The following ANXA8 variants were observed in gnomAD, a reference collection of about 807,000 sequenced individuals.
ANXA8 encodes the protein VAC-beta.
In ANXA8, 9 loss-of-function variants were observed where a neutral mutation model predicts 26.8. That is an observed-to-expected ratio of 0.34 (90% CI 0.20 to 0.59). The LOEUF (loss-of-function observed/expected upper bound fraction) is 0.59. Ranked by LOEUF, ANXA8 falls within the 20% of genes least tolerant of loss-of-function variation. ANXA8 has a pLI of 0.84. For missense variants in ANXA8, 83 were observed against 238.5 expected, an observed-to-expected ratio of 0.35 and a Z score of 4.29; for synonymous variants, 39 against 94.8, an observed-to-expected ratio of 0.41 and a Z score of 3.42.
the ANXA8 span, among the ~76,000 whole-genome samples, chr10:47,942,475 CACTT>C: frequency 8.2e-4 from 115 of 140,680 alleles, 14 homozygotes; most frequent in East Asian, 0.022. Context: ...TGTCTGGTGA[CACTT>C]AGTGGCAGTC....
the ANXA8 span, among the ~76,000 whole-genome samples, chr10:47,702,744 C>G: frequency 2.6e-5 from 4 of 151,756 alleles, no homozygotes; most frequent in African/African-American, 9.7e-5. Flanking sequence ...AGCCAGCCTC[C>G]CACTTCAGCC....
At chr10:47,951,836 A>AT in the ANXA8 span, among the ~76,000 whole-genome samples, 1 of 141,336 alleles carries the variant, frequency 7.1e-6, no homozygotes, top group Admixed American at 7.0e-5. Flanking sequence ...AAAAAAAAAA[A>AT]GGAATATACA....
rs1184901326 is a variant in ANXA8 at position 47,468,921 on chromosome 10, C to G, written c.925-15G>C. 3.7e-6 allele frequency: 6 copies of G among 1,610,460 alleles called. No individual in the cohort carries two copies. Among genetic ancestry groups the G allele is most frequent in the Non-Finnish European group, 5.1e-6 (6 of 1,179,368 alleles). On this transcript the variant is annotated splice_polypyrimidine_tract_variant and intron_variant, in intron 11 of 11. Coordinates refer to ENST00000585281, the MANE Select transcript of ANXA8 (RefSeq NM_001040084.3). Reference sequence around the variant, plus strand: ...CTGGTGTCTTCCTGTGGGCAGGAGGCGCATAAGCGTGAGAAGGGGTTTGCT... The same window carrying G: ...CTGGTGTCTTCCTGTGGGCAGGAGGGGCATAAGCGTGAGAAGGGGTTTGCT...
At chr10:47,529,738 GA>G in the ANXA8 span, among the ~76,000 whole-genome samples, 1,153 of 98,748 alleles carry the variant, frequency 0.012, 16 homozygotes, top group Middle Eastern at 0.049. Context: ...AGTGGGTCCA[GA>G]AGCCCTTTGG....
At chr10:47,952,310 G>A in the ANXA8 span, among the ~76,000 whole-genome samples, 11 of 151,444 alleles carry the variant, frequency 7.3e-5, no homozygotes, top group African/African-American at 1.9e-4. Context: ...CATAAGATTC[G>A]AAAGGAGGAG....
At chr10:47,672,580 T>C in the ANXA8 span, among the ~76,000 whole-genome samples, 1 of 151,824 alleles carries the variant, frequency 6.6e-6, no homozygotes, top group Non-Finnish European at 1.5e-5. Context: ...AAAAATAAAA[T>C]TCCTGCCCTT....
the ANXA8 span, chr10:47,756,162 GAA>G: frequency 2.5e-6 from 1 of 406,658 alleles, no homozygotes; most frequent in Non-Finnish European, 4.1e-6. Context: ...CAGCACAGCT[GAA>G]GTCTTCTTGC....
At chr10:47,976,536 T>C in the ANXA8 span, among the ~76,000 whole-genome samples, 1 of 116,122 alleles carries the variant, frequency 8.6e-6, no homozygotes, top group African/African-American at 3.0e-5. Flanking sequence ...AGAGACAACC[T>C]CTGTCTTTAC....
the ANXA8 span, among the ~76,000 whole-genome samples, chr10:47,936,762 G>A: frequency 2.0e-5 from 3 of 151,240 alleles, no homozygotes; most frequent in East Asian, 2.0e-4. Context: ...CCCAAGGTCC[G>A]GGGTCGCTCT....
chr10:47,970,970 G>A, the ANXA8 span, among the ~76,000 whole-genome samples: 8 of 151,342 alleles, frequency 5.3e-5, 1 homozygote, highest in Admixed American at 5.3e-4. Context: ...CAGCAAGCAG[G>A]GTCCAACAGG....
At chr10:47,660,415 T>A in the ANXA8 span, among the ~76,000 whole-genome samples, 2 of 151,570 alleles carry the variant, frequency 1.3e-5, no homozygotes, top group South Asian at 2.1e-4. Context: ...TTTTTTTTTT[T>A]AAATTGAGAC....
At chr10:47,748,676 G>C in the ANXA8 span, among the ~76,000 whole-genome samples, 26 of 152,176 alleles carry the variant, frequency 1.7e-4, no homozygotes, top group East Asian at 1.9e-3. Context: ...TTTTGTAGAG[G>C]GGGGGGATCT....
At chr10:47,483,145 C>T (rs1839896397) in intron 1 of ANXA8, among the ~76,000 whole-genome samples, 1 of 151,652 alleles carries the variant, frequency 6.6e-6, no homozygotes, top group Non-Finnish European at 1.5e-5. Flanking sequence ...GAGAACCCAT[C>T]AGTTCTGCTG....
At chr10:47,686,497 C>T in the ANXA8 span, among the ~76,000 whole-genome samples, 1 of 151,892 alleles carries the variant, frequency 6.6e-6, no homozygotes, top group Non-Finnish European at 1.5e-5. Context: ...CAGGCGTGAG[C>T]CAAGGCTCCT....
the ANXA8 span, among the ~76,000 whole-genome samples, chr10:47,501,469 G>T: frequency 1.5e-5 from 2 of 137,556 alleles, no homozygotes; most frequent in Admixed American, 7.5e-5. Flanking sequence ...CAACACTTTG[G>T]GAGGCCGAGG....
chr10:47,898,996 G>A, the ANXA8 span, among the ~76,000 whole-genome samples: 1 of 149,718 alleles, frequency 6.7e-6, no homozygotes, highest in East Asian at 2.0e-4. Context: ...ACAATGATCA[G>A]CTAATTTTTG....
chr10:47,699,486 A>G, the ANXA8 span, among the ~76,000 whole-genome samples: 1 of 151,592 alleles, frequency 6.6e-6, no homozygotes, highest in Non-Finnish European at 1.5e-5. Flanking sequence ...ACAAATTTAA[A>G]TAATAAGATA....
At chr10:47,578,183 G>A in the ANXA8 span, among the ~76,000 whole-genome samples, 1 of 53,796 alleles carries the variant, frequency 1.9e-5, no homozygotes, top group African/African-American at 6.0e-5. Flanking sequence ...GTGTGTGATG[G>A]CACGTGCCTG....
the ANXA8 span, among the ~76,000 whole-genome samples, chr10:47,646,021 A>G: frequency 6.7e-6 from 1 of 148,950 alleles, no homozygotes; most frequent in Non-Finnish European, 1.5e-5. Context: ...CCTCCCAAGA[A>G]TTATCTTCTT....
Sources: allele counts gnomAD v4.1 joint callset (sites outside exome capture counted in the v4.1 genomes callset), GRCh38; gene constraint gnomAD v4.1.1; transcripts MANE v1.5; gene names NCBI Gene and HGNC (gene_info 2026-07-23, HGNC 2026-07-21).